Variants in SGSM1 observed in about 807,000 individuals in gnomAD.
The protein encoded by SGSM1 is RUN and TBC1 domain containing 2.
A neutral mutation model predicts 133.8 loss-of-function variants in SGSM1; 73 were observed. The observed-to-expected ratio is 0.55, with a 90% CI of 0.45 to 0.66. SGSM1 has a LOEUF of 0.66. Among genes scored for constraint, SGSM1 ranks in the 30% least tolerant of loss-of-function variants. SGSM1 has a pLI of 0.00. For missense variants in SGSM1, 1,213 were observed against 1,448.1 expected, an observed-to-expected ratio of 0.84 and a Z score of 2.64; for synonymous variants, 563 against 573.0, an observed-to-expected ratio of 0.98 and a Z score of 0.25.
intron 19 of SGSM1, chr22:24,901,129 T>G (rs945320160): frequency 6.6e-6 from 1 of 152,178 alleles, no homozygotes; most frequent in Non-Finnish European, 1.5e-5. Flanking sequence ...GTATAATCAG[T>G]CAGGTATTGT....
At chr22:24,911,062 G>A (rs111297787) in intron 21 of SGSM1, among the ~76,000 whole-genome samples, 76 of 151,978 alleles carry the variant, frequency 5.0e-4, no homozygotes, top group African/African-American at 1.7e-3. Context: ...ATGGTGAAAC[G>A]TCACCTCTAC....
intron 16 of SGSM1, 84 bp from the exon 17 acceptor site, chr22:24,893,347 G>A: frequency 7.0e-7 from 1 of 1,435,492 alleles, no homozygotes. Flanking sequence ...GGATGGATCA[G>A]AGCCACTCTC....
intron 12 of SGSM1, among the ~76,000 whole-genome samples, chr22:24,875,000 A>T (rs1931959376): frequency 6.6e-6 from 1 of 152,216 alleles, no homozygotes; most frequent in South Asian, 2.1e-4. Flanking sequence ...CAAGAATTAC[A>T]TCGTACAGGC....
intron 21 of SGSM1, among the ~76,000 whole-genome samples, chr22:24,908,177 G>A (rs1039538244): frequency 6.6e-6 from 1 of 152,058 alleles, no homozygotes; most frequent in Non-Finnish European, 1.5e-5. Flanking sequence ...GCAAAAGATT[G>A]AAGTTGAACC....
In SGSM1 at chr22:24,924,526, A is replaced by G. The variant is rs1934127751; in HGVS notation, c.*252A>G. 2.0e-6 allele frequency: 1 copy of G among 504,736 alleles called. No individual in the cohort carries two copies. 31.3% of individuals were successfully genotyped at this position (504,736 alleles called of 1,614,324 possible). Reference sequence around the variant, plus strand: ...CCCAAGTCTGGCGTTCCTCCCTTGCAGGAGGTGGAGGTTGTTGGTGGAGGA... The same window carrying G: ...CCCAAGTCTGGCGTTCCTCCCTTGCGGGAGGTGGAGGTTGTTGGTGGAGGA... On this transcript the variant is annotated 3_prime_UTR_variant, in exon 25 of 25. Coordinates refer to ENST00000400358, the MANE Select transcript of SGSM1 (RefSeq NM_001098497.3).
In SGSM1 at chr22:24,876,566, A is replaced by G. The variant is rs144652118; in HGVS notation, c.1292-11A>G. The G allele has an allele frequency of 2.9e-4, 471 of 1,613,640 alleles. No individual in the cohort carries two copies. Among genetic ancestry groups the G allele is most frequent in the African/African-American group, 2.9e-3 (218 of 74,884 alleles). ...GGGTGATTCTTCTGCCCCTCCTTCT[A>G]TCCACCACAGTGCCCCAGGATCTGA... On this transcript the variant is annotated splice_polypyrimidine_tract_variant and intron_variant, in intron 12 of 24. Coordinates refer to ENST00000400358, the MANE Select transcript of SGSM1 (RefSeq NM_001098497.3).
At chr22:24,810,560 G>T (rs1261223865) in intron 2 of SGSM1, among the ~76,000 whole-genome samples, 1 of 152,202 alleles carries the variant, frequency 6.6e-6, no homozygotes, top group East Asian at 1.9e-4. Flanking sequence ...AGCCAGCCAT[G>T]TGATGCCAGT....
At position 24,879,466 on chromosome 22, in the gene SGSM1, C is replaced by T; in HGVS notation, c.1435C>T (p.Pro479Ser). ...STNGCNHERA[P>S]LKLLCDNMKY... ...TCCCTCTTTCTCCACCTGCAGGGCT[C>T]CCCTGAAACTTCTCTGTGACAATAT... Residue 479 changes from proline to serine, a missense_variant, in exon 14 of 25, where the codon CCC (proline) becomes TCC (serine). Physicochemically the swap from Pro to Ser is moderately conservative, Grantham distance 74. Transcript: ENST00000400358. 6.2e-7 allele frequency: 1 copy of T among 1,613,744 alleles called. No homozygotes were observed. Among genetic ancestry groups the T allele is most frequent in the Non-Finnish European group, 8.5e-7 (1 of 1,179,836 alleles).
chr22:24,875,735 A>G (rs1393964498), intron 12 of SGSM1, among the ~76,000 whole-genome samples: 2 of 152,182 alleles, frequency 1.3e-5, no homozygotes, highest in Non-Finnish European at 2.9e-5. Context: ...TGACTATAGA[A>G]ATGGTAATGC....
intron 24 of SGSM1, among the ~76,000 whole-genome samples, chr22:24,921,558 A>G (rs1934009476): frequency 6.6e-6 from 1 of 152,180 alleles, no homozygotes; most frequent in South Asian, 2.1e-4. Context: ...AATTTTCTCA[A>G]TTCATGCACC....
chr22:24,833,825 C>T (rs887664131), intron 2 of SGSM1, among the ~76,000 whole-genome samples: 3 of 152,152 alleles, frequency 2.0e-5, no homozygotes, highest in Non-Finnish European at 4.4e-5. Flanking sequence ...GGGAGGTAGG[C>T]ACATCTTTGA....
chr22:24,855,480 G>A, intron 7 of SGSM1, 50 bp downstream of exon 7: 1 of 1,613,136 alleles, frequency 6.2e-7, no homozygotes, highest in Non-Finnish European at 8.5e-7. Flanking sequence ...CATGAGGGCA[G>A]GAAGCAGGGT....
chr22:24,848,004 C>T (rs1208518518), intron 4 of SGSM1, among the ~76,000 whole-genome samples: 1 of 152,004 alleles, frequency 6.6e-6, no homozygotes, highest in Non-Finnish European at 1.5e-5. Context: ...TAGCTGCTTT[C>T]TTGTCATCAT....
intron 4 of SGSM1, 149 bp from the exon 5 acceptor site, chr22:24,850,131 A>G (rs1601920109): frequency 1.2e-6 from 1 of 809,918 alleles, no homozygotes; most frequent in Admixed American, 2.9e-5. Context: ...TCAACTCCTG[A>G]CCAGCTTGCT....
chr22:24,904,549 C>T (rs1358811228), intron 20 of SGSM1, among the ~76,000 whole-genome samples: 1 of 146,172 alleles, frequency 6.8e-6, no homozygotes, highest in Non-Finnish European at 1.5e-5. Context: ...CACTGCACTC[C>T]AGCCTGAGCA....
In SGSM1 at chr22:24,855,272, A is replaced by T; in HGVS notation, c.524-13A>T. 1 of 1,605,478 alleles carries T rather than the reference A, an allele frequency of 6.2e-7. No homozygotes were observed. The highest frequency in any genetic ancestry group is 1.7e-5 in the Admixed American group (1 of 58,616). On this transcript the variant is annotated splice_polypyrimidine_tract_variant and intron_variant, in intron 6 of 24. Coordinates refer to ENST00000400358, the MANE Select transcript of SGSM1 (RefSeq NM_001098497.3). ...CCGGGGCAGTGGGTTTCCAGCCCCC[A>T]CATGCCCCTCAGTGGGGCCCTGTGC...
chr22:24,875,858 G>T (rs972477997), intron 12 of SGSM1, among the ~76,000 whole-genome samples: 4 of 152,140 alleles, frequency 2.6e-5, no homozygotes, highest in African/African-American at 9.7e-5. Context: ...AGAGTGGCTG[G>T]TCAGGAATCA....
intron 19 of SGSM1, among the ~76,000 whole-genome samples, chr22:24,899,582 G>T (rs965375122): frequency 6.7e-6 from 1 of 149,884 alleles, no homozygotes; most frequent in Admixed American, 6.7e-5. Flanking sequence ...GAGTGCAGTG[G>T]CGTGATCTCG....
chr22:24,890,737 T>C (rs973398532), intron 16 of SGSM1, among the ~76,000 whole-genome samples: 1 of 151,410 alleles, frequency 6.6e-6, no homozygotes, highest in South Asian at 2.1e-4. Flanking sequence ...AGAGGCGGGG[T>C]TTCACTAGGT....
Sources: allele counts gnomAD v4.1 joint callset (sites outside exome capture counted in the v4.1 genomes callset), GRCh38; gene constraint gnomAD v4.1.1; transcripts MANE v1.5; gene names NCBI Gene and HGNC (gene_info 2026-07-23, HGNC 2026-07-21).